The following WWOX variants were observed in gnomAD, a reference collection of about 807,000 sequenced individuals.
WWOX encodes the protein WW domain-containing oxidoreductase.
WWOX carries 69 observed loss-of-function variants against 46.2 expected under a neutral mutation model. The ratio of observed to expected loss-of-function variants is 1.49; its 90% CI spans 1.23 to 1.82. The LOEUF is 1.82. Among genes scored for constraint, WWOX ranks in the 40% most tolerant of loss-of-function variants. The pLI is 0.00. For synonymous variants in WWOX, 359 were observed against 202.6 expected (o/e 1.77, Z -6.56); for missense variants, 919 against 542.6 (o/e 1.69, Z -6.89).
At chr16:79,093,097 C>G (rs1393502643) in intron 8 of WWOX, among the ~76,000 whole-genome samples, 4 of 152,188 alleles carry the variant, frequency 2.6e-5, no homozygotes, top group Non-Finnish European at 5.9e-5. Flanking sequence ...GGTTACGTAA[C>G]TGTGGTACAG....
intron 8 of WWOX, among the ~76,000 whole-genome samples, chr16:78,843,649 C>T (rs368992299): frequency 6.6e-6 from 1 of 151,994 alleles, no homozygotes; most frequent in Non-Finnish European, 1.5e-5. Context: ...TCACACTCAT[C>T]GAGGAGCAAA....
At chr16:78,336,397 T>G (rs1326752649) in intron 5 of WWOX, among the ~76,000 whole-genome samples, 1 of 149,422 alleles carries the variant, frequency 6.7e-6, no homozygotes, top group Non-Finnish European at 1.5e-5. Flanking sequence ...TCCCAGCTAT[T>G]TGGGAGGCTG....
At chr16:78,308,159 C>T (rs150700340) in intron 5 of WWOX, among the ~76,000 whole-genome samples, 34 of 152,192 alleles carry the variant, frequency 2.2e-4, no homozygotes, top group Admixed American at 1.4e-3. Flanking sequence ...GGAGTCCTTC[C>T]CCTAGCATGT....
chr16:78,710,619 A>G (rs1308366368), intron 8 of WWOX, among the ~76,000 whole-genome samples: 1 of 148,654 alleles, frequency 6.7e-6, no homozygotes, highest in Non-Finnish European at 1.5e-5. Flanking sequence ...GTGTATATAT[A>G]GATTTTGTTT....
Position 78,642,763 on chromosome 16 carries a change from G to A in WWOX, c.1056+210011G>A, listed in dbSNP as rs182477639. Among the ~76,000 whole-genome samples the A allele has an allele frequency of 3.6e-3, 546 of 152,040 alleles. 1 individual carries two copies. Among genetic ancestry groups the A allele is most frequent in the Admixed American group, 9.0e-3 (137 of 15,262 alleles). On this transcript the variant is annotated intron_variant, in intron 8 of 8. Transcript: ENST00000566780. ...GTGCACATCAGGATACCTCAGTGGG[G>A]AACTCAGGGCGTGAGGCACACTCAT... is the stretch of plus-strand genomic sequence containing the variant.
intron 8 of WWOX, among the ~76,000 whole-genome samples, chr16:78,620,267 G>T (rs1012149137): frequency 6.6e-6 from 1 of 152,182 alleles, no homozygotes; most frequent in Non-Finnish European, 1.5e-5. Context: ...GTTTGTTAAG[G>T]TACAGAAGAG....
intron 5 of WWOX, among the ~76,000 whole-genome samples, chr16:78,191,612 C>A (rs2035885979): frequency 6.6e-6 from 1 of 152,084 alleles, no homozygotes; most frequent in Admixed American, 6.6e-5. Flanking sequence ...CTCTCCTATA[C>A]ATGATTGCTG....
At chr16:78,630,238 G>A (rs1194037957) in intron 8 of WWOX, among the ~76,000 whole-genome samples, 1 of 152,176 alleles carries the variant, frequency 6.6e-6, no homozygotes, top group Non-Finnish European at 1.5e-5. Context: ...GTCCTATTTT[G>A]CTCACTGTTG....
At chr16:78,441,614 G>GATAA (rs2083446161) in intron 8 of WWOX, among the ~76,000 whole-genome samples, 1 of 152,088 alleles carries the variant, frequency 6.6e-6, no homozygotes, top group African/African-American at 2.4e-5. Flanking sequence ...ATGAGCTTTA[G>GATAA]AGGTAGACAG....
intron 8 of WWOX, among the ~76,000 whole-genome samples, chr16:78,983,281 C>T (rs991776574): frequency 6.6e-6 from 1 of 152,108 alleles, no homozygotes; most frequent in Non-Finnish European, 1.5e-5. Flanking sequence ...AGTGTCTGGC[C>T]AAGAAGCTGG....
chr16:78,930,542 C>T (rs1037187156), intron 8 of WWOX, among the ~76,000 whole-genome samples: 6 of 149,876 alleles, frequency 4.0e-5, no homozygotes, highest in African/African-American at 1.5e-4. Context: ...CCGCCAGCCT[C>T]AGCCTCCCAA....
intron 6 of WWOX, among the ~76,000 whole-genome samples, chr16:78,422,740 T>TATATATACAC (rs1254610943): frequency 3.9e-5 from 4 of 102,370 alleles, no homozygotes; most frequent in Non-Finnish European, 6.8e-5. Context: ...TACACACACA[T>TATATATACAC]ATATATACAC....
At chr16:78,744,413 T>G (rs1033258057) in intron 8 of WWOX, among the ~76,000 whole-genome samples, 1 of 147,346 alleles carries the variant, frequency 6.8e-6, no homozygotes, top group African/African-American at 2.5e-5. Context: ...GGGCCCATGG[T>G]CCACACTGCT....
At chr16:79,182,474 C>T (rs550398247) in intron 8 of WWOX, among the ~76,000 whole-genome samples, 23 of 152,036 alleles carry the variant, frequency 1.5e-4, no homozygotes, top group African/African-American at 5.3e-4. Context: ...TGTAAGAACT[C>T]TCTGAGAATG....
At chr16:78,744,297 G>A (rs1014146125) in intron 8 of WWOX, among the ~76,000 whole-genome samples, 7 of 152,048 alleles carry the variant, frequency 4.6e-5, no homozygotes, top group African/African-American at 1.7e-4. Flanking sequence ...ACTGCAAGGT[G>A]TGTCTCAGAA....
intron 8 of WWOX, among the ~76,000 whole-genome samples, chr16:78,435,157 C>G (rs946477966): frequency 1.3e-5 from 2 of 152,034 alleles, no homozygotes; most frequent in African/African-American, 4.8e-5. Context: ...AGTGGAAAAC[C>G]AGAGTATGGG....
chr16:79,099,389 C>G (rs2049144193), intron 8 of WWOX, among the ~76,000 whole-genome samples: 2 of 152,212 alleles, frequency 1.3e-5, no homozygotes, highest in African/African-American at 4.8e-5. Flanking sequence ...ATTAGCCTTA[C>G]TGCCGGGGAG....
chr16:79,010,877 CAG>C (rs2047290232), intron 8 of WWOX, among the ~76,000 whole-genome samples: 1 of 151,868 alleles, frequency 6.6e-6, no homozygotes, highest in Admixed American at 6.6e-5. Context: ...GAGATGGGAA[CAG>C]AGAGCGAGAG....
chr16:78,287,136 CAGA>C (rs2079781600), intron 5 of WWOX, among the ~76,000 whole-genome samples: 1 of 152,326 alleles, frequency 6.6e-6, no homozygotes, highest in Non-Finnish European at 1.5e-5. Flanking sequence ...TAATATGTGT[CAGA>C]ACTGGCAATC....
Sources: gnomAD v4.1 joint callset for allele counts (sites outside exome capture counted in the v4.1 genomes callset) on GRCh38, gnomAD v4.1.1 for gene constraint, MANE v1.5 for transcripts, NCBI Gene and HGNC (gene_info 2026-07-23, HGNC 2026-07-21) for gene names.